The following PPFIBP1 variants were observed in gnomAD, a reference collection of about 807,000 sequenced individuals.
PPFIBP1 encodes liprin-beta-1.
PPFIBP1 carries 112 observed loss-of-function variants against 137.8 expected under a neutral mutation model. The ratio of observed to expected loss-of-function variants is 0.81; its 90% CI spans 0.70 to 0.95. The LOEUF (loss-of-function observed/expected upper bound fraction) is 0.95, where lower values mean the gene tolerates loss of function less well. Among genes scored for constraint, PPFIBP1 ranks in the 40% least tolerant of loss-of-function variants. The pLI is 0.00. For synonymous variants in PPFIBP1, 378 were observed against 417.3 expected, an observed-to-expected ratio of 0.91 and a Z score of 1.15; for missense variants, 1,083 against 1,196.6, an observed-to-expected ratio of 0.91 and a Z score of 1.40.
chr12:27,528,364 G>A (rs951732252), intron 1 of PPFIBP1, among the ~76,000 whole-genome samples: 3 of 152,148 alleles, frequency 2.0e-5, no homozygotes, highest in Non-Finnish European at 4.4e-5. Flanking sequence ...TCCAAAAACT[G>A]CTCTGGGCTC....
At chr12:27,574,084 T>C (rs909214460) in intron 1 of PPFIBP1, among the ~76,000 whole-genome samples, 12 of 152,170 alleles carry the variant, frequency 7.9e-5, no homozygotes, top group East Asian at 1.9e-4. Context: ...CTCGATTTAT[T>C]TGGAATCATA....
chr12:27,667,163 T>TGAAA lies in PPFIBP1; in HGVS notation c.992-3_992-2insGAAA, dbSNP rs761315313. 1 of 1,556,578 alleles carries TGAAA rather than the reference T, an allele frequency of 6.4e-7. No individual in the cohort carries two copies. Among genetic ancestry groups the TGAAA allele is most frequent in the Non-Finnish European group, 8.7e-7 (1 of 1,152,790 alleles). ...GTCTTCTCTTTGTTTTATCTTTTCC[T>TGAAA]AGGCAAAGATGGAGAATATGAAGAG... On this transcript the variant is annotated splice_region_variant and splice_polypyrimidine_tract_variant and intron_variant, in intron 12 of 29. Transcript: ENST00000228425.
chr12:27,616,438 G>C (rs1184552578), intron 2 of PPFIBP1, among the ~76,000 whole-genome samples: 1 of 151,930 alleles, frequency 6.6e-6, no homozygotes, highest in Non-Finnish European at 1.5e-5. Flanking sequence ...AGATTGGAGG[G>C]GACCGTGGAG....
intron 1 of PPFIBP1, among the ~76,000 whole-genome samples, chr12:27,531,857 G>A (rs1213108147): frequency 6.6e-6 from 1 of 152,000 alleles, no homozygotes; most frequent in East Asian, 1.9e-4. Context: ...GAACTCTTCT[G>A]TTTTCCAGCT....
intron 1 of PPFIBP1, among the ~76,000 whole-genome samples, chr12:27,537,488 C>T (rs937380329): frequency 6.6e-6 from 1 of 152,056 alleles, no homozygotes; most frequent in African/African-American, 2.4e-5. Flanking sequence ...AAGTTTGGTT[C>T]CAGGCCACCC....
intron 17 of PPFIBP1, among the ~76,000 whole-genome samples, chr12:27,675,021 A>G (rs1250828800): frequency 7.1e-6 from 1 of 140,994 alleles, no homozygotes; most frequent in Non-Finnish European, 1.5e-5. Flanking sequence ...TTTATTTTTT[A>G]AGTACAGATG....
At chr12:27,645,154 G>A (rs926474333) in intron 4 of PPFIBP1, among the ~76,000 whole-genome samples, 17 of 152,164 alleles carry the variant, frequency 1.1e-4, no homozygotes, top group African/African-American at 3.9e-4. Flanking sequence ...TAACACTTTC[G>A]GATTTCAGCT....
At chr12:27,581,217 T>A (rs2051075529) in intron 2 of PPFIBP1, among the ~76,000 whole-genome samples, 1 of 152,224 alleles carries the variant, frequency 6.6e-6, no homozygotes, top group South Asian at 2.1e-4. Context: ...TTAGGTGTTC[T>A]GGCAGGTGGC....
intron 1 of PPFIBP1, among the ~76,000 whole-genome samples, chr12:27,549,772 CACTT>C (rs1181947898): frequency 6.6e-6 from 1 of 152,182 alleles, no homozygotes; most frequent in East Asian, 1.9e-4. Flanking sequence ...CTGAACCACT[CACTT>C]ATGCACACAC....
chr12:27,650,171 CT>C, intron 7 of PPFIBP1, 30 bp downstream of exon 7: 1 of 1,543,912 alleles, frequency 6.5e-7, no homozygotes, highest in Non-Finnish European at 8.9e-7. Context: ...CTCCCTCTCT[CT>C]CTCTCTCTGT....
intron 28 of PPFIBP1, among the ~76,000 whole-genome samples, chr12:27,692,327 G>A (rs993578130): frequency 4.6e-5 from 7 of 152,144 alleles, no homozygotes; most frequent in African/African-American, 1.4e-4. Flanking sequence ...GATTAAAGTC[G>A]TGGGACCGCA....
At position 27,642,901 on chromosome 12, in the gene PPFIBP1, C is replaced by T. The variant is rs569565181; in HGVS notation, c.271-3161C>T. Among the ~76,000 whole-genome samples, 96 of 152,078 alleles carry T rather than the reference C, an allele frequency of 6.3e-4. No individual in the cohort carries two copies. In the Middle Eastern group the frequency reaches 0.01, roughly 16 times the overall value. On this transcript the variant is annotated intron_variant, in intron 4 of 29. Coordinates refer to ENST00000228425, the MANE Select transcript of PPFIBP1 (RefSeq NM_003622.4). ...CAGGAAGGAGTTAAGAATCAGTTCT[C>T]CCAAGCCTGCAGGACGAAAGAAAGG...
At chr12:27,597,696 T>C (rs2053478184) in intron 2 of PPFIBP1, among the ~76,000 whole-genome samples, 1 of 152,074 alleles carries the variant, frequency 6.6e-6, no homozygotes, top group African/African-American at 2.4e-5. Flanking sequence ...AAGAAAAAAA[T>C]GATTTCCCAG....
rs148860223 is a variant in PPFIBP1 at position 27,680,219 on chromosome 12, A to G, written c.1895+158A>G. On this transcript the variant is annotated intron_variant, in intron 21 of 29. Coordinates refer to ENST00000228425, the MANE Select transcript of PPFIBP1 (RefSeq NM_003622.4). ...ATCTTTAGAGCCGTGCAATTTGTCAATGGTTGATGAACAAACAGAAGGTGA... is the reference window on the plus strand; with the variant it reads ...ATCTTTAGAGCCGTGCAATTTGTCAGTGGTTGATGAACAAACAGAAGGTGA... Among the ~76,000 whole-genome samples the G allele has an allele frequency of 1.4e-3, 219 of 152,304 alleles. 1 individual carries two copies. Among genetic ancestry groups the G allele is most frequent in the African/African-American group, 5.1e-3 (213 of 41,566 alleles).
At chr12:27,596,238 G>T (rs1002327119) in intron 2 of PPFIBP1, among the ~76,000 whole-genome samples, 3 of 152,134 alleles carry the variant, frequency 2.0e-5, no homozygotes, top group African/African-American at 7.2e-5. Flanking sequence ...CAAGATTACA[G>T]TTAAAGTTTG....
chr12:27,572,393 T>C (rs2050223305), intron 1 of PPFIBP1, among the ~76,000 whole-genome samples: 1 of 152,168 alleles, frequency 6.6e-6, no homozygotes, highest in Admixed American at 6.5e-5. Context: ...GTCAATTCAG[T>C]CAAAATTTTC....
intron 11 of PPFIBP1, among the ~76,000 whole-genome samples, chr12:27,663,635 T>C (rs957404763): frequency 6.6e-6 from 1 of 151,828 alleles, no homozygotes; most frequent in African/African-American, 2.4e-5. Context: ...GAGCCCAGGA[T>C]TTCAAGACCA....
At chr12:27,653,933 G>T (rs1287253389) in intron 7 of PPFIBP1, among the ~76,000 whole-genome samples, 1 of 152,112 alleles carries the variant, frequency 6.6e-6, no homozygotes, top group East Asian at 1.9e-4. Context: ...CCACTTTCCA[G>T]TTGAAAATTG....
intron 13 of PPFIBP1, among the ~76,000 whole-genome samples, chr12:27,669,811 A>C (rs1344007123): frequency 6.6e-6 from 1 of 152,244 alleles, no homozygotes; most frequent in Non-Finnish European, 1.5e-5. Context: ...TGAATAACAT[A>C]AACAAAAATC....
Sources: gnomAD v4.1 joint callset for allele counts (sites outside exome capture counted in the v4.1 genomes callset) on GRCh38, gnomAD v4.1.1 for gene constraint, MANE v1.5 for transcripts, NCBI Gene and HGNC (gene_info 2026-07-23, HGNC 2026-07-21) for gene names.